The following SLC6A5 variants were observed in gnomAD, a reference collection of about 807,000 sequenced individuals.
SLC6A5 encodes the protein solute carrier family 6 member 5, also known as sodium- and chloride-dependent glycine transporter 2.
SLC6A5 carries 58 observed loss-of-function variants against 90.5 expected under a neutral mutation model. The observed-to-expected ratio is 0.64, with a 90% CI of 0.52 to 0.80. The LOEUF is 0.80. Ranked by LOEUF, SLC6A5 falls within the 30% of genes least tolerant of loss-of-function variation. SLC6A5 has a pLI of 0.00. For synonymous variants in SLC6A5, 427 were observed against 401.4 expected, an observed-to-expected ratio of 1.06 and a Z score of -0.76; for missense variants, 1,015 against 1,017.6, an observed-to-expected ratio of 1.00 and a Z score of 0.03.
At chr11:20,643,088 T>G (rs1456360350) in intron 13 of SLC6A5, among the ~76,000 whole-genome samples, 1 of 152,166 alleles carries the variant, frequency 6.6e-6, no homozygotes. Context: ...GTGTATTCCT[T>G]AGGTCTAACC....
At chr11:20,638,922 C>A (rs1853261362) in intron 13 of SLC6A5, among the ~76,000 whole-genome samples, 1 of 152,104 alleles carries the variant, frequency 6.6e-6, no homozygotes, top group East Asian at 1.9e-4. Flanking sequence ...GTATTCAATA[C>A]CCATGCAGCT....
intron 15 of SLC6A5, among the ~76,000 whole-genome samples, chr11:20,653,219 G>C (rs1853574777): frequency 6.6e-6 from 1 of 152,128 alleles, no homozygotes; most frequent in Admixed American, 6.6e-5. Context: ...TGGCATTTTG[G>C]ACTAAATCAG....
chr11:20,625,193 G>A (rs77547029), intron 7 of SLC6A5, among the ~76,000 whole-genome samples: 258 of 152,268 alleles, frequency 1.7e-3, no homozygotes, highest in Non-Finnish European at 3.2e-3. Flanking sequence ...AGGTACGGAA[G>A]GAAAGGTCCT....
chr11:20,637,794 A>G (rs1193748888), intron 12 of SLC6A5, among the ~76,000 whole-genome samples: 1 of 152,260 alleles, frequency 6.6e-6, no homozygotes, highest in African/African-American at 2.4e-5. Context: ...ATCAGGTACA[A>G]TTTCTGATGA....
At chr11:20,635,429 G>A (rs748542794) in intron 10 of SLC6A5, among the ~76,000 whole-genome samples, 15 of 152,032 alleles carry the variant, frequency 9.9e-5, no homozygotes, top group South Asian at 2.1e-4. Flanking sequence ...TAACTACTAG[G>A]ACTGATGTAG....
rs2276433 is a variant in SLC6A5 at position 20,652,321 on chromosome 11, G to A, written c.2103G>A (p.Glu701=). 0.41 allele frequency: 665,463 copies of A among 1,613,430 alleles called. 146,572 individuals carry two copies. Among genetic ancestry groups the A allele is most frequent in the East Asian group, 0.84 (37,555 of 44,848 alleles). The change falls in exon 15 of 16, where the codon GAG becomes GAA. Residue 701 remains glutamate (E), a synonymous_variant. Transcript: ENST00000525748. ...FILCFSFYQW[E]PMTYGSYRYP... ...TTTGCTTCAGCTTTTACCAGTGGGA[G>A]CCCATGACCTATGGCTCTTACCGCT... is the stretch of plus-strand genomic sequence containing the variant.
rs371736329 is a variant in SLC6A5 at position 20,617,068 on chromosome 11, A to G, written c.1128-684A>G. On this transcript the variant is annotated intron_variant, in intron 6 of 15. Transcript: ENST00000525748. The stretch of plus-strand genomic sequence containing the variant: ...TCCTCAGGGGTGGGGCTGCCCTGCT[A>G]GCCATTTGGCCAGGCAGGCCACGAT... Among the ~76,000 whole-genome samples, 4 of 152,272 alleles carry G rather than the reference A, an allele frequency of 2.6e-5. No homozygotes were observed. The East Asian group carries it at 5.8e-4, about 22-fold the overall frequency.
chr11:20,636,437 C>T lies in SLC6A5; in HGVS notation c.1737+18C>T, dbSNP rs1233223358. On this transcript the variant is annotated intron_variant, in intron 11 of 15. Transcript: ENST00000525748. ...ACACTATGGTGAGCCCCTTTTCCATCAGTCTCTATCCCATGCTCCTCTTGA... is the reference window on the plus strand; with the variant it reads ...ACACTATGGTGAGCCCCTTTTCCATTAGTCTCTATCCCATGCTCCTCTTGA... The T allele has an allele frequency of 6.8e-7, 1 of 1,460,936 alleles. No individual in the cohort carries two copies. The highest frequency in any genetic ancestry group is 1.7e-5 in the Admixed American group (1 of 59,828). 90.5% of individuals were successfully genotyped at this position (1,460,936 alleles called of 1,614,324 possible).
chr11:20,653,664 A>G (rs1853582077), intron 15 of SLC6A5, among the ~76,000 whole-genome samples: 1 of 152,212 alleles, frequency 6.6e-6, no homozygotes, highest in African/African-American at 2.4e-5. Flanking sequence ...CTGCAGCTGT[A>G]TTCTAGTTTC....
intron 9 of SLC6A5, among the ~76,000 whole-genome samples, chr11:20,630,019 G>T (rs116052165): frequency 6.6e-6 from 1 of 152,100 alleles, no homozygotes; most frequent in Non-Finnish European, 1.5e-5. Context: ...CACCGTGCCC[G>T]GCTGGGATGG....
Position 20,644,613 on chromosome 11 carries a change from T to A in SLC6A5, c.1970-2221T>A, listed in dbSNP as rs149604442. On this transcript the variant is annotated intron_variant, in intron 13 of 15. Transcript: ENST00000525748. ...ATTGTTGGATCATATGGTAGTGCTATTTTTAGTTTTCAGAGGAACATCCAT... is the reference window on the plus strand; with the variant it reads ...ATTGTTGGATCATATGGTAGTGCTAATTTTAGTTTTCAGAGGAACATCCAT... 3.8e-4 allele frequency among the ~76,000 whole-genome samples: 58 copies of A among 152,302 alleles called. No homozygotes were observed. The East Asian group carries it at 0.011, about 28-fold the overall frequency.
intron 7 of SLC6A5, 142 bp downstream of exon 7, chr11:20,618,026 A>G (rs771164787): frequency 1.2e-6 from 1 of 854,606 alleles, no homozygotes; most frequent in Non-Finnish European, 1.9e-6. Flanking sequence ...AGGGGCTGTG[A>G]CTTCACTTTC....
intron 14 of SLC6A5, among the ~76,000 whole-genome samples, chr11:20,650,951 C>T (rs1005215592): frequency 3.3e-5 from 5 of 151,972 alleles, no homozygotes; most frequent in Admixed American, 2.6e-4. Flanking sequence ...CAGGCGTGAG[C>T]CACCGCGCCC....
Position 20,626,758 on chromosome 11 carries a change from C to T in SLC6A5, c.1311C>T (p.Leu437=), listed in dbSNP as rs777020439. ...TFPYVVLVIL[L]IRGVTLPGAG... Reference sequence around the variant, plus strand: ...CGTATGTCGTACTCGTGATCCTCCTCATCCGAGGAGTCACCCTGCCTGGAG... The same window carrying T: ...CGTATGTCGTACTCGTGATCCTCCTTATCCGAGGAGTCACCCTGCCTGGAG... The change falls in exon 8 of 16, where the codon CTC becomes CTT. Residue 437 remains leucine (L), a synonymous_variant. Coordinates refer to ENST00000525748, the MANE Select transcript of SLC6A5 (RefSeq NM_004211.5). 1 of 1,614,086 alleles carries T rather than the reference C, an allele frequency of 6.2e-7. No homozygotes were observed. Among genetic ancestry groups the T allele is most frequent in the Non-Finnish European group, 8.5e-7 (1 of 1,179,926 alleles).
At chr11:20,647,183 T>A (rs1202988294) in intron 14 of SLC6A5, among the ~76,000 whole-genome samples, 2 of 148,622 alleles carry the variant, frequency 1.3e-5, no homozygotes, top group Non-Finnish European at 3.0e-5. Flanking sequence ...GAACATTTCC[T>A]ATGGCACATT....
At chr11:20,613,913 C>T (rs1049177589) in intron 5 of SLC6A5, among the ~76,000 whole-genome samples, 4 of 152,130 alleles carry the variant, frequency 2.6e-5, no homozygotes, top group Non-Finnish European at 5.9e-5. Context: ...ACTTATTAGA[C>T]ACCAGTAAGC....
intron 13 of SLC6A5, 67 bp from the exon 14 acceptor site, chr11:20,646,767 T>C: frequency 1.8e-6 from 2 of 1,112,360 alleles, no homozygotes; most frequent in South Asian, 2.5e-5. Flanking sequence ...CTCTAGTGCC[T>C]GCCCTGCCAC....
chr11:20,633,198 G>T (rs1487782143), intron 10 of SLC6A5, among the ~76,000 whole-genome samples: 1 of 152,152 alleles, frequency 6.6e-6, no homozygotes, highest in African/African-American at 2.4e-5. Flanking sequence ...TCCAATAGCA[G>T]AAACACTGAG....
intron 10 of SLC6A5, among the ~76,000 whole-genome samples, chr11:20,632,955 C>A (rs1853135436): frequency 6.6e-6 from 1 of 152,174 alleles, no homozygotes; most frequent in African/African-American, 2.4e-5. Flanking sequence ...CATCTTAAAT[C>A]TTGGTCTTAT....
Sources: gnomAD v4.1 joint callset for allele counts (sites outside exome capture counted in the v4.1 genomes callset) on GRCh38, gnomAD v4.1.1 for gene constraint, MANE v1.5 for transcripts, NCBI Gene and HGNC (gene_info 2026-07-23, HGNC 2026-07-21) for gene names.